The following SERPINB1 variants were observed in gnomAD, a reference collection of about 807,000 sequenced individuals.
SERPINB1 encodes the protein leukocyte elastase inhibitor.
A neutral mutation model predicts 25.9 loss-of-function variants in SERPINB1; 23 were observed. That is an observed-to-expected ratio of 0.89 (90% CI 0.64 to 1.26). SERPINB1 has a LOEUF of 1.26. Ranked by LOEUF, SERPINB1 falls within the 50% of genes most tolerant of loss-of-function variation. The probability of loss-of-function intolerance (pLI) is 0.00; values close to 1 mark genes in which losing one functional copy is unlikely to be tolerated. For synonymous variants in SERPINB1, 178 were observed against 178.7 expected, an observed-to-expected ratio of 1.00 and a Z score of 0.03; for missense variants, 399 against 463.6, an observed-to-expected ratio of 0.86 and a Z score of 1.28.
At chr6:2,838,142 T>C (rs1425182495) in intron 3 of SERPINB1, 143 bp from the exon 4 acceptor site, 2 of 620,526 alleles carry the variant, frequency 3.2e-6, no homozygotes, top group Non-Finnish European at 5.5e-6. Context: ...TTATAGTTTT[T>C]CTTATAGTAG....
Position 2,835,883 on chromosome 6 carries a change from A to C in SERPINB1, c.708T>G (p.Ile236Met). The change falls in exon 6 of 7, where the codon ATT becomes ATG. Residue 236 changes from isoleucine to methionine, a missense_variant. Coordinates refer to ENST00000380739, the MANE Select transcript of SERPINB1 (RefSeq NM_030666.4). ...TCTTCAGGCCCGTGGACTCGTCCTC[A>C]ATGTCATCCGGCAGCAGGATGACCA... ...LSMVILLPDD[I>M]EDESTGLKKI... The C allele has an allele frequency of 6.2e-7, 1 of 1,614,148 alleles. No homozygotes were observed. Among genetic ancestry groups the C allele is most frequent in the East Asian group, 2.2e-5 (1 of 44,894 alleles).
rs762696508 is a variant in SERPINB1, at chr6:2,837,985, C to T, written c.321G>A (p.Ser107=). 22 of 1,611,794 alleles carry T rather than the reference C, an allele frequency of 1.4e-5. 1 individual carries two copies. The highest frequency in any genetic ancestry group is 1.2e-4 in the South Asian group (11 of 90,734). ...TYNFLPEFLV[S]TQKTYGADLA... The stretch of plus-strand genomic sequence containing the variant: ...GGTCAGCACCATATGTTTTCTGAGT[C>T]GAAACCAAGAACTCCTATTAAAAAA... The change falls in exon 4 of 7, where the codon TCG becomes TCA. Residue 107 remains serine (S), a synonymous_variant. Transcript: ENST00000380739. The surrounding 1 kb of genome is among the most constrained non-coding windows in gnomAD (Gnocchi z 4.3).
chr6:2,835,294 A>G (rs55866378), intron 6 of SERPINB1, among the ~76,000 whole-genome samples: 5,682 of 152,302 alleles, frequency 0.037, 216 homozygotes, highest in African/African-American at 0.097. Flanking sequence ...CACTATCTAT[A>G]TGAATTGTGA....
intron 4 of SERPINB1, among the ~76,000 whole-genome samples, 170 bp from the exon 5 acceptor site, chr6:2,836,420 G>C (rs1161061850): frequency 3.3e-5 from 5 of 152,110 alleles, no homozygotes; most frequent in African/African-American, 1.2e-4. Flanking sequence ...TCTACTTTAA[G>C]TATAACAACC....
At chr6:2,840,714 T>C (rs1766623431) in intron 1 of SERPINB1, 120 bp from the exon 2 acceptor site, 1 of 896,292 alleles carries the variant, frequency 1.1e-6, no homozygotes, top group Admixed American at 3.2e-5. Context: ...CTGGATCTTG[T>C]ACTTTCTCCC....
Position 2,837,298 on chromosome 6 carries a change from C to T in SERPINB1, c.424+584G>A, listed in dbSNP as rs201832817. Among the ~76,000 whole-genome samples, 69 of 151,610 alleles carry T rather than the reference C, an allele frequency of 4.6e-4. No individual in the cohort carries two copies. In the East Asian group the frequency reaches 4.6e-3, roughly 10 times the overall value. On this transcript the variant is annotated intron_variant, in intron 4 of 6. Coordinates refer to ENST00000380739, the MANE Select transcript of SERPINB1 (RefSeq NM_030666.4). This position sits in a 1 kb window ranked among gnomAD's most constrained non-coding sequence, Gnocchi z 4.3. ...TTTATTATTTTTATTATTTTTTTTACGACGGAGTCTCGCTCTGTTGCCTAG... is the reference window on the plus strand; with the variant it reads ...TTTATTATTTTTATTATTTTTTTTATGACGGAGTCTCGCTCTGTTGCCTAG...
At chr6:2,839,519 T>C in intron 2 of SERPINB1, 2 of 973,220 alleles carry the variant, frequency 2.1e-6, no homozygotes, top group Non-Finnish European at 2.4e-6. Flanking sequence ...TTTAATGGAT[T>C]TAAAAAAAAC....
At position 2,837,612 on chromosome 6, in the gene SERPINB1, A is replaced by G. The variant is rs316338; in HGVS notation, c.424+270T>C. ...GTTTTAACTTTGAAATGCAACTTTA[A>G]AAGTTTTGGGGAGCTGATGAGAAAA... On this transcript the variant is annotated intron_variant, in intron 4 of 6. Coordinates refer to ENST00000380739, the MANE Select transcript of SERPINB1 (RefSeq NM_030666.4). The surrounding 1 kb of genome is among the most constrained non-coding windows in gnomAD (Gnocchi z 4.3). 0.6 allele frequency among the ~76,000 whole-genome samples: 91,855 copies of G among 152,098 alleles called. 28,710 individuals are homozygous for G. Among genetic ancestry groups the G allele is most frequent in the South Asian group, 0.73 (3,524 of 4,828 alleles).
In SERPINB1 at chr6:2,833,246, T is replaced by C. The variant is rs1368859684; in HGVS notation, c.*362A>G. On this transcript the variant is annotated 3_prime_UTR_variant, in exon 7 of 7. Coordinates refer to ENST00000380739, the MANE Select transcript of SERPINB1 (RefSeq NM_030666.4). ...TCTGTCTATTTTGTGGCTTCCAAAA[T>C]TCTAACTGCAAAATAAATGACCATC... is the stretch of plus-strand genomic sequence containing the variant. 2 of 169,948 alleles carry C rather than the reference T, an allele frequency of 1.2e-5. No homozygotes were observed. The highest frequency in any genetic ancestry group is 2.5e-5 in the Non-Finnish European group (2 of 80,506). 10.5% of individuals were successfully genotyped at this position (169,948 alleles called of 1,614,324 possible).
intron 4 of SERPINB1, among the ~76,000 whole-genome samples, chr6:2,836,955 C>T (rs1766509458): frequency 6.6e-6 from 1 of 152,188 alleles, no homozygotes; most frequent in African/African-American, 2.4e-5. Context: ...GGGAACAATT[C>T]CCATAATGGA....
rs1766373342 is a variant in SERPINB1, at chr6:2,832,833, G to GAAAA, written c.*771_*774dup. 1 of 150,568 alleles carries GAAAA rather than the reference G, an allele frequency of 6.6e-6. No individual in the cohort carries two copies. Among genetic ancestry groups the GAAAA allele is most frequent in the African/African-American group, 2.5e-5 (1 of 40,470 alleles). 9.3% of individuals were successfully genotyped at this position (150,568 alleles called of 1,614,324 possible). On this transcript the variant is annotated 3_prime_UTR_variant, in exon 7 of 7. Coordinates refer to ENST00000380739, the MANE Select transcript of SERPINB1 (RefSeq NM_030666.4). ...AAAAAAAAAAAAAGAAAGAAAGAAA[G>GAAAA]AAAAAGAAAAAGAGAAAAGAAAACA...
At chr6:2,834,875 G>A (rs907949875) in intron 6 of SERPINB1, among the ~76,000 whole-genome samples, 7 of 152,084 alleles carry the variant, frequency 4.6e-5, no homozygotes, top group African/African-American at 9.7e-5. Context: ...AAAGTGCTTG[G>A]CCCATAGTGC....
At position 2,837,991 on chromosome 6, in the gene SERPINB1, C is replaced by T; in HGVS notation, c.315G>A (p.Leu105=). The part of the protein sequence containing the change: ...EKTYNFLPEF[L]VSTQKTYGAD... Reference sequence around the variant, plus strand: ...CACCATATGTTTTCTGAGTCGAAACCAAGAACTCCTATTAAAAAAAAGGAA... The same window carrying T: ...CACCATATGTTTTCTGAGTCGAAACTAAGAACTCCTATTAAAAAAAAGGAA... Residue 105 remains leucine, a synonymous_variant, in exon 4 of 7, where the codon TTG becomes TTA. Transcript: ENST00000380739. This position sits in a 1 kb window ranked among gnomAD's most constrained non-coding sequence, Gnocchi z 4.3. 6.2e-7 allele frequency: 1 copy of T among 1,609,610 alleles called. No individual in the cohort carries two copies. Among genetic ancestry groups the T allele is most frequent in the South Asian group, 1.1e-5 (1 of 90,548 alleles).
chr6:2,838,508 T>C, intron 3 of SERPINB1, 41 bp downstream of exon 3: 1 of 1,468,568 alleles, frequency 6.8e-7, no homozygotes, highest in Non-Finnish European at 9.1e-7. Flanking sequence ...ATATCTGCAC[T>C]GTCTAGTGGG....
At position 2,836,027 on chromosome 6, in the gene SERPINB1, A is replaced by T. The variant is rs765352051; in HGVS notation, c.568-4T>A. 1 of 1,614,086 alleles carries T rather than the reference A, an allele frequency of 6.2e-7. No homozygotes were observed. The highest frequency in any genetic ancestry group is 8.5e-7 in the Non-Finnish European group (1 of 1,180,008). ...TTTTCACAGTTTTTCTGTCTTTCTG[A>T]ACAGTTTTAAAAAATCACTGAAATT... On this transcript the variant is annotated splice_region_variant and splice_polypyrimidine_tract_variant and intron_variant, in intron 5 of 6. Coordinates refer to ENST00000380739, the MANE Select transcript of SERPINB1 (RefSeq NM_030666.4).
At chr6:2,839,276 C>A in intron 2 of SERPINB1, 1 of 981,974 alleles carries the variant, frequency 1.0e-6, no homozygotes, top group Non-Finnish European at 1.2e-6. Flanking sequence ...AGGCTGGTTC[C>A]TTTATGATTA....
At position 2,835,898 on chromosome 6, in the gene SERPINB1, C is replaced by T. The variant is rs760065117; in HGVS notation, c.693G>A (p.Leu231=). The change falls in exon 6 of 7, where the codon CTG becomes CTA. Residue 231 remains leucine, a synonymous_variant. Transcript: ENST00000380739. ...ACTCGTCCTCAATGTCATCCGGCAG[C>T]AGGATGACCATGCTGAGCTCCTCGC... is the stretch of plus-strand genomic sequence containing the variant. ...YQGEELSMVI[L]LPDDIEDEST... 3 of 1,614,070 alleles carry T rather than the reference C, an allele frequency of 1.9e-6. No homozygotes were observed. Among genetic ancestry groups the T allele is most frequent in the Non-Finnish European group, 2.5e-6 (3 of 1,180,046 alleles).
In SERPINB1 at chr6:2,837,679, C is replaced by T. The variant is rs1299503310; in HGVS notation, c.424+203G>A. ...GAGTTAAATCATGTTTAAGTTTCCA[C>T]TCTGGTGAACTTCGAACATGTGAGA... is the stretch of plus-strand genomic sequence containing the variant. On this transcript the variant is annotated intron_variant, in intron 4 of 6. Transcript: ENST00000380739. This position sits in a 1 kb window ranked among gnomAD's most constrained non-coding sequence, Gnocchi z 4.3. 6.6e-6 allele frequency among the ~76,000 whole-genome samples: 1 copy of T among 152,222 alleles called. No homozygotes were observed. The highest frequency in any genetic ancestry group is 1.5e-5 in the Non-Finnish European group (1 of 68,050).
In SERPINB1 at chr6:2,833,541, G is replaced by T; in HGVS notation, c.*67C>A. The T allele has an allele frequency of 1.5e-6, 2 of 1,342,414 alleles. No individual in the cohort carries two copies. Among genetic ancestry groups the T allele is most frequent in the South Asian group, 2.8e-5 (2 of 70,958 alleles). 83.2% of individuals were successfully genotyped at this position (1,342,414 alleles called of 1,614,324 possible). ...TATTGGTAAAGATATAAGACATATT[G>T]GCTCTATTAAAAACTCAGGTAATAA... is the stretch of plus-strand genomic sequence containing the variant. On this transcript the variant is annotated 3_prime_UTR_variant, in exon 7 of 7. Transcript: ENST00000380739.
Sources: allele counts gnomAD v4.1 joint callset (sites outside exome capture counted in the v4.1 genomes callset), GRCh38; gene constraint gnomAD v4.1.1; non-coding constraint Gnocchi (gnomAD v3.1); transcripts MANE v1.5; gene names NCBI Gene and HGNC (gene_info 2026-07-23, HGNC 2026-07-21).